SRSF11: variants seen among roughly 807,000 people sequenced by gnomAD.
SRSF11 encodes serine/arginine-rich splicing factor 11.
Under a neutral mutation model 56.0 loss-of-function variants are expected in SRSF11, and 9 were observed. That is an observed-to-expected ratio of 0.16 (90% CI 0.10 to 0.28). The LOEUF is 0.28. Among genes scored for constraint, SRSF11 ranks in the 10% least tolerant of loss-of-function variants. The probability of loss-of-function intolerance (pLI) is 1.00; values close to 1 mark genes in which losing one functional copy is unlikely to be tolerated. For missense variants in SRSF11, 421 were observed against 600.7 expected, an observed-to-expected ratio of 0.70 and a Z score of 3.13; for synonymous variants, 222 against 215.3, an observed-to-expected ratio of 1.03 and a Z score of -0.27.
At chr1:70,206,594 T>G (rs1669049380) in intron 1 of SRSF11, among the ~76,000 whole-genome samples, 1 of 152,118 alleles carries the variant, frequency 6.6e-6, no homozygotes, top group Non-Finnish European at 1.5e-5. Context: ...GGTGCTAGAC[T>G]TTTCTTTTGC....
At chr1:70,231,943 A>G (rs1672918348) in intron 2 of SRSF11, 1 of 1,531,860 alleles carries the variant, frequency 6.5e-7, no homozygotes, top group African/African-American at 1.4e-5. Flanking sequence ...GTGCTTGCTT[A>G]CGTTTGGTTC....
intron 7 of SRSF11, among the ~76,000 whole-genome samples, chr1:70,242,328 T>C (rs1675635382): frequency 6.6e-6 from 1 of 151,838 alleles, no homozygotes; most frequent in Admixed American, 6.6e-5. Context: ...CAGAAATCAT[T>C]GTTGTGGGTT....
At chr1:70,237,398 A>G in intron 5 of SRSF11, 27 bp from the exon 6 acceptor site, 1 of 1,607,766 alleles carries the variant, frequency 6.2e-7, no homozygotes, top group Non-Finnish European at 8.5e-7. Flanking sequence ...AAAATATTTC[A>G]GATCCCATTT....
At chr1:70,250,216 C>CT in intron 10 of SRSF11, 149 bp from the exon 11 acceptor site, 1 of 1,365,582 alleles carries the variant, frequency 7.3e-7, no homozygotes, top group South Asian at 1.4e-5. Context: ...CATTTTAGTC[C>CT]TATAAACAAG....
Position 70,246,918 on chromosome 1 carries a change from A to G in SRSF11, c.1022+11A>G, listed in dbSNP as rs1220821144. ...TAGAAGTGCAAGCAGGTAAGGTGGC[A>G]TTGTGAATTCTTGGCAATTATTTTT... is the stretch of plus-strand genomic sequence containing the variant. On this transcript the variant is annotated intron_variant, in intron 9 of 11. Transcript: ENST00000370949. The G allele has an allele frequency of 6.3e-7, 1 of 1,587,570 alleles. No individual in the cohort carries two copies. Among genetic ancestry groups the G allele is most frequent in the Non-Finnish European group, 8.6e-7 (1 of 1,169,320 alleles).
intron 1 of SRSF11, among the ~76,000 whole-genome samples, chr1:70,214,556 C>G (rs1558143799): frequency 6.6e-6 from 1 of 152,142 alleles, no homozygotes; most frequent in South Asian, 2.1e-4. Flanking sequence ...AGACCCTGCT[C>G]TGTCAATTTA....
upstream of SRSF11, among the ~76,000 whole-genome samples, chr1:70,219,832 T>C (rs1571615790): frequency 6.6e-6 from 1 of 152,264 alleles, no homozygotes; most frequent in African/African-American, 2.4e-5. Context: ...CAGTTGGCTC[T>C]ACACCCAAAT....
At chr1:70,236,515 A>G (rs990225283) in intron 5 of SRSF11, among the ~76,000 whole-genome samples, 3 of 151,902 alleles carry the variant, frequency 2.0e-5, no homozygotes, top group African/African-American at 7.3e-5. Flanking sequence ...TACTTTTAGT[A>G]GAGACGGGGT....
intron 6 of SRSF11, 27 bp downstream of exon 6, chr1:70,237,579 G>A (rs757865637): frequency 3.1e-6 from 5 of 1,602,506 alleles, no homozygotes; most frequent in Non-Finnish European, 3.4e-6. Context: ...CAATTTTGTT[G>A]TGTGATTCTT....
chr1:70,208,267 T>C (rs1168208289), intron 1 of SRSF11, among the ~76,000 whole-genome samples: 1 of 152,120 alleles, frequency 6.6e-6, no homozygotes, highest in Non-Finnish European at 1.5e-5. Flanking sequence ...TGTGGTAAAC[T>C]CCAATAGATA....
intron 1 of SRSF11, among the ~76,000 whole-genome samples, chr1:70,212,918 G>A (rs781270309): frequency 5.3e-5 from 8 of 151,978 alleles, no homozygotes; most frequent in Admixed American, 1.3e-4. Context: ...TGGGTGTGGC[G>A]GCGTGAGCCT....
intron 1 of SRSF11, among the ~76,000 whole-genome samples, chr1:70,227,004 A>G (rs114630425): frequency 1.1e-3 from 163 of 152,238 alleles, no homozygotes; most frequent in African/African-American, 3.6e-3. Flanking sequence ...TATCCTGTTA[A>G]TTTTGCTTTG....
chr1:70,235,160 A>G (rs1170950265), intron 4 of SRSF11, among the ~76,000 whole-genome samples: 2 of 152,044 alleles, frequency 1.3e-5, no homozygotes, highest in African/African-American at 4.8e-5. Flanking sequence ...GGTCTTTTGC[A>G]TTATATTGGC....
At chr1:70,223,259 T>C (rs554454840) in intron 1 of SRSF11, among the ~76,000 whole-genome samples, 1 of 152,342 alleles carries the variant, frequency 6.6e-6, no homozygotes, top group African/African-American at 2.4e-5. Flanking sequence ...TACAATTCTT[T>C]CCAATCCTAC....
chr1:70,246,324 G>T (rs1432655202), intron 8 of SRSF11, among the ~76,000 whole-genome samples: 1 of 152,040 alleles, frequency 6.6e-6, no homozygotes, highest in Non-Finnish European at 1.5e-5. Context: ...AATAAGCCCT[G>T]AATAGTTCAT....
chr1:70,227,258 G>A (rs1331151720), intron 1 of SRSF11, among the ~76,000 whole-genome samples: 1 of 152,154 alleles, frequency 6.6e-6, no homozygotes, highest in Non-Finnish European at 1.5e-5. Flanking sequence ...ACACATTGGT[G>A]TGTTTCATTT....
At chr1:70,248,282 T>C (rs1038555322) in intron 9 of SRSF11, 1 of 152,280 alleles carries the variant, frequency 6.6e-6, no homozygotes, top group South Asian at 2.1e-4. Context: ...ATAAACAGAA[T>C]GGTATATCTA....
intron 2 of SRSF11, 199 bp downstream of exon 2, chr1:70,228,754 T>C (rs988079086): frequency 5.8e-5 from 72 of 1,248,718 alleles, no homozygotes; most frequent in Non-Finnish European, 6.8e-5. Flanking sequence ...TTATAAGGTA[T>C]TTACCTTTTG....
At chr1:70,221,992 G>A (rs111716288) in intron 1 of SRSF11, among the ~76,000 whole-genome samples, 153 bp downstream of exon 1, 1 of 152,042 alleles carries the variant, frequency 6.6e-6, no homozygotes, top group African/African-American at 2.4e-5. Context: ...TTGTGTTCCA[G>A]GCCTACAAAA....
Sources: gnomAD v4.1 joint callset for allele counts (sites outside exome capture counted in the v4.1 genomes callset) on GRCh38, gnomAD v4.1.1 for gene constraint, MANE v1.5 for transcripts, NCBI Gene and HGNC (gene_info 2026-07-23, HGNC 2026-07-21) for gene names.